The following CRPPA variants were observed in gnomAD, a reference collection of about 807,000 sequenced individuals.
The protein encoded by CRPPA is D-ribitol-5-phosphate cytidylyltransferase.
Under a neutral mutation model 52.0 loss-of-function variants are expected in CRPPA, and 43 were observed. The observed-to-expected ratio is 0.83, with a 90% CI of 0.65 to 1.07. The LOEUF is 1.07. Among genes scored for constraint, CRPPA ranks in the 50% least tolerant of loss-of-function variants. The pLI is 0.00. For synonymous variants in CRPPA, 250 were observed against 203.5 expected, an observed-to-expected ratio of 1.23 and a Z score of -1.94; for missense variants, 629 against 551.7, an observed-to-expected ratio of 1.14 and a Z score of -1.40.
chr7:16,098,128 A>G (rs1781970863), intron 9 of CRPPA, among the ~76,000 whole-genome samples: 1 of 152,212 alleles, frequency 6.6e-6, no homozygotes, highest in Non-Finnish European at 1.5e-5. Flanking sequence ...GTAGGCTGTT[A>G]GAATCAAATT....
At chr7:16,291,909 T>TA (rs774702019) in intron 5 of CRPPA, among the ~76,000 whole-genome samples, 18 of 152,042 alleles carry the variant, frequency 1.2e-4, no homozygotes, top group Non-Finnish European at 2.5e-4. Context: ...ATTTTCTCCT[T>TA]ACTTCTGTTT....
At chr7:16,410,715 T>C (rs765139316) in intron 1 of CRPPA, among the ~76,000 whole-genome samples, 6 of 152,150 alleles carry the variant, frequency 3.9e-5, no homozygotes, top group Non-Finnish European at 7.4e-5. Context: ...CTTACTCTCA[T>C]ACCCAACTAC....
chr7:16,305,481 T>C (rs1033522703), intron 4 of CRPPA, among the ~76,000 whole-genome samples: 1 of 152,210 alleles, frequency 6.6e-6, no homozygotes, highest in Admixed American at 6.5e-5. Context: ...GATGCTATGA[T>C]GCTGATTTCT....
At chr7:16,238,058 A>G (rs1279819081) in intron 8 of CRPPA, among the ~76,000 whole-genome samples, 1 of 152,200 alleles carries the variant, frequency 6.6e-6, no homozygotes. Context: ...GTCAACTCCC[A>G]GTCACTAAAG....
chr7:16,350,590 C>T (rs1027887142), intron 3 of CRPPA, among the ~76,000 whole-genome samples: 1 of 152,022 alleles, frequency 6.6e-6, no homozygotes, highest in Admixed American at 6.6e-5. Flanking sequence ...AAGGTAACAA[C>T]AAAAGCCTAT....
At chr7:16,360,759 G>C (rs1421941974) in intron 3 of CRPPA, among the ~76,000 whole-genome samples, 1 of 152,154 alleles carries the variant, frequency 6.6e-6, no homozygotes, top group Non-Finnish European at 1.5e-5. Flanking sequence ...ATAAGTTAAA[G>C]CAAGAATTAT....
intron 7 of CRPPA, 69 bp downstream of exon 7, chr7:16,258,851 G>T: frequency 2.3e-6 from 2 of 887,424 alleles, no homozygotes; most frequent in Non-Finnish European, 1.7e-6. Context: ...AAATATTTAA[G>T]AATCAAATTA....
chr7:16,239,586 T>TAGTGAG (rs1783052580), intron 8 of CRPPA, among the ~76,000 whole-genome samples: 1 of 76,936 alleles, frequency 1.3e-5, no homozygotes, highest in Admixed American at 1.4e-4. Context: ...AAAAAAAAAC[T>TAGTGAG]AGTGAGAGAA....
rs1489665325 is a variant in CRPPA at position 16,087,809 on chromosome 7, C to T, written c.*3886G>A. ...AACTTTCTAAATAACTTCTATCTTT[C>T]TTCTTGCATATGGTTGACATTTTAA... On this transcript the variant is annotated 3_prime_UTR_variant, in exon 10 of 10. Coordinates refer to ENST00000407010, the MANE Select transcript of CRPPA (RefSeq NM_001101426.4). 6.6e-6 allele frequency: 1 copy of T among 152,102 alleles called. No individual in the cohort carries two copies. Among genetic ancestry groups the T allele is most frequent in the Non-Finnish European group, 1.5e-5 (1 of 67,980 alleles). 9.4% of individuals were successfully genotyped at this position (152,102 alleles called of 1,614,324 possible). A position where few individuals can be genotyped will look rare whatever the true frequency, so the allele number is the denominator to read the frequency against.
chr7:16,286,097 A>AAAAAAATATATATATATATATATATAT, intron 5 of CRPPA, among the ~76,000 whole-genome samples: 1 of 39,130 alleles, frequency 2.6e-5, no homozygotes, highest in Non-Finnish European at 4.1e-5. Context: ...TAAAAAAAAA[A>AAAAAAATATATATATATATATATATAT]ATATATATAT....
At chr7:16,245,712 C>G (rs553208233) in intron 8 of CRPPA, among the ~76,000 whole-genome samples, 1 of 152,302 alleles carries the variant, frequency 6.6e-6, no homozygotes, top group African/African-American at 2.4e-5. Flanking sequence ...TCCCTCCAGA[C>G]TACTGGAGCC....
intron 4 of CRPPA, among the ~76,000 whole-genome samples, chr7:16,302,764 G>T (rs1348233610): frequency 6.6e-6 from 1 of 152,274 alleles, no homozygotes; most frequent in East Asian, 1.9e-4. Flanking sequence ...GGCCCCTGAG[G>T]CTCTAGTGAG....
intron 5 of CRPPA, among the ~76,000 whole-genome samples, chr7:16,286,978 A>G (rs1379091513): frequency 6.6e-6 from 1 of 152,210 alleles, no homozygotes; most frequent in Admixed American, 6.5e-5. Context: ...AGTTCCTTAT[A>G]GCCAATAATC....
chr7:16,254,947 C>CA (rs1371597126), intron 8 of CRPPA, among the ~76,000 whole-genome samples: 1 of 152,084 alleles, frequency 6.6e-6, no homozygotes, highest in Non-Finnish European at 1.5e-5. Context: ...CCAGGGCAAT[C>CA]AGGCAAGAGA....
intron 3 of CRPPA, among the ~76,000 whole-genome samples, chr7:16,339,902 G>A (rs1785778531): frequency 6.6e-6 from 1 of 151,960 alleles, no homozygotes; most frequent in African/African-American, 2.4e-5. Flanking sequence ...TGTGATATTG[G>A]TTTAAAAAAA....
intron 9 of CRPPA, among the ~76,000 whole-genome samples, chr7:16,107,481 T>TA (rs956530544): frequency 1.3e-4 from 19 of 150,238 alleles, no homozygotes; most frequent in African/African-American, 2.2e-4. Context: ...AAGTCTTAAA[T>TA]AAAAAAAAAG....
intron 9 of CRPPA, among the ~76,000 whole-genome samples, chr7:16,107,654 T>C (rs1782183511): frequency 6.6e-6 from 1 of 151,998 alleles, no homozygotes; most frequent in Non-Finnish European, 1.5e-5. Context: ...TGTTAATTAA[T>C]AATATGAACT....
intron 8 of CRPPA, among the ~76,000 whole-genome samples, chr7:16,249,360 C>A (rs1307415102): frequency 6.6e-6 from 1 of 152,210 alleles, no homozygotes; most frequent in Non-Finnish European, 1.5e-5. Context: ...GTTCTCCCAG[C>A]CCAGCATTCG....
At chr7:16,283,657 ATCT>A (rs1020243620) in intron 5 of CRPPA, among the ~76,000 whole-genome samples, 4 of 151,470 alleles carry the variant, frequency 2.6e-5, no homozygotes, top group Admixed American at 6.6e-5. Context: ...GTTGTCTTTA[ATCT>A]TCTGTGTGGC....
Sources: gnomAD v4.1 joint callset for allele counts (sites outside exome capture counted in the v4.1 genomes callset) on GRCh38, gnomAD v4.1.1 for gene constraint, MANE v1.5 for transcripts, NCBI Gene and HGNC (gene_info 2026-07-23, HGNC 2026-07-21) for gene names.